The following MYO16 variants were observed in gnomAD, a reference collection of about 807,000 sequenced individuals.
MYO16 encodes the protein myosin XVI.
Under a neutral mutation model 205.3 loss-of-function variants are expected in MYO16, and 94 were observed. That is an observed-to-expected ratio of 0.46 (90% CI 0.39 to 0.54). MYO16 has a LOEUF of 0.54. Ranked by LOEUF, MYO16 falls within the 20% of genes least tolerant of loss-of-function variation. MYO16 has a pLI of 0.00. For synonymous variants in MYO16, 988 were observed against 954.0 expected (o/e 1.04, Z -0.66); for missense variants, 2,315 against 2,387.5 (o/e 0.97, Z 0.63).
intron 20 of MYO16, among the ~76,000 whole-genome samples, chr13:108,965,500 G>A (rs1259027764): frequency 1.3e-5 from 2 of 152,080 alleles, no homozygotes; most frequent in Non-Finnish European, 2.9e-5. Flanking sequence ...TCTGCCTCCC[G>A]GGTTCAAGTG....
chr13:109,199,411 T>A (rs1298725157), intron 34 of MYO16, among the ~76,000 whole-genome samples: 1 of 151,668 alleles, frequency 6.6e-6, no homozygotes, highest in Non-Finnish European at 1.5e-5. Context: ...TGTGGAGTCC[T>A]TTGTACTTTC....
intron 9 of MYO16, among the ~76,000 whole-genome samples, chr13:108,829,891 A>G (rs1054167323): frequency 2.0e-5 from 3 of 151,796 alleles, no homozygotes; most frequent in Admixed American, 1.3e-4. Flanking sequence ...AGAATCTACA[A>G]TGAACTCAAA....
the MYO16 span, among the ~76,000 whole-genome samples, chr13:108,501,150 C>G: frequency 6.6e-6 from 1 of 152,178 alleles, no homozygotes; most frequent in East Asian, 1.9e-4. Context: ...CTTAGTGTAT[C>G]GCGCTTATTG....
At chr13:108,598,318 G>C (rs1204344256) in intron 1 of MYO16, among the ~76,000 whole-genome samples, 2 of 151,692 alleles carry the variant, frequency 1.3e-5, no homozygotes, top group African/African-American at 2.4e-5. Context: ...GAGAGAGAGA[G>C]AGACAGACAG....
At chr13:108,808,631 C>T (rs1286773013) in intron 7 of MYO16, among the ~76,000 whole-genome samples, 1 of 151,838 alleles carries the variant, frequency 6.6e-6, no homozygotes, top group Non-Finnish European at 1.5e-5. Context: ...AAGCTTCTAT[C>T]CAGGAAATTA....
chr13:108,641,528 G>T (rs995993890), intron 1 of MYO16, among the ~76,000 whole-genome samples: 1 of 152,124 alleles, frequency 6.6e-6, no homozygotes, highest in Non-Finnish European at 1.5e-5. Flanking sequence ...CATTCCTCCT[G>T]CTGCCTCCTA....
intron 15 of MYO16, among the ~76,000 whole-genome samples, chr13:108,906,273 T>C (rs941721758): frequency 6.6e-6 from 1 of 152,174 alleles, no homozygotes; most frequent in Non-Finnish European, 1.5e-5. Flanking sequence ...CCTTTTGATG[T>C]TTGTGCCCTG....
intron 4 of MYO16, among the ~76,000 whole-genome samples, chr13:108,772,156 C>A (rs1356411365): frequency 6.6e-6 from 1 of 151,918 alleles, no homozygotes; most frequent in African/African-American, 2.4e-5. Context: ...AGAGACAAGC[C>A]GGGGCAACAT....
upstream of MYO16, among the ~76,000 whole-genome samples, chr13:108,591,274 C>T (rs2139284191): frequency 6.6e-6 from 1 of 152,238 alleles, no homozygotes; most frequent in East Asian, 1.9e-4. Flanking sequence ...TTTGCTGTAG[C>T]CAAGAAAATA....
At chr13:108,904,714 C>T (rs1880877249) in intron 15 of MYO16, among the ~76,000 whole-genome samples, 3 of 152,054 alleles carry the variant, frequency 2.0e-5, no homozygotes, top group Admixed American at 6.6e-5. Flanking sequence ...AAAAAAAGTT[C>T]CTGCCCTTGT....
chr13:109,145,570 TTGTC>T (rs1877291693), intron 32 of MYO16, among the ~76,000 whole-genome samples: 2 of 152,250 alleles, frequency 1.3e-5, no homozygotes, highest in South Asian at 2.1e-4. Flanking sequence ...AAATGTTTAA[TTGTC>T]TGTTCCATTC....
intron 22 of MYO16, among the ~76,000 whole-genome samples, chr13:109,013,573 C>G (rs9521126): frequency 0.16 from 23,611 of 152,174 alleles, 2,180 homozygotes; most frequent in Non-Finnish European, 0.2. Flanking sequence ...CTAGTTTACA[C>G]TCCCACCAAC....
At chr13:109,130,539 G>C (rs972683683) in intron 31 of MYO16, among the ~76,000 whole-genome samples, 1 of 152,240 alleles carries the variant, frequency 6.6e-6, no homozygotes, top group African/African-American at 2.4e-5. Context: ...GCTTGAGCAT[G>C]CTTGCTGATT....
intron 23 of MYO16, among the ~76,000 whole-genome samples, chr13:109,022,333 T>TTATATATTATATACAAATATATATG (rs1886073150): frequency 3.4e-5 from 1 of 29,566 alleles, no homozygotes; most frequent in Non-Finnish European, 5.5e-5. Context: ...AAATATATAT[T>TTATATATTATATACAAATATATATG]TATATATTAT....
At chr13:108,852,507 G>A (rs1877931695) in intron 10 of MYO16, among the ~76,000 whole-genome samples, 1 of 152,182 alleles carries the variant, frequency 6.6e-6, no homozygotes, top group Admixed American at 6.5e-5. Context: ...CTATAACAAT[G>A]AATGCCAAAA....
At chr13:108,922,032 C>T (rs549648413) in intron 16 of MYO16, among the ~76,000 whole-genome samples, 3 of 152,242 alleles carry the variant, frequency 2.0e-5, no homozygotes, top group South Asian at 2.1e-4. Context: ...GTTTATAATA[C>T]GTGGAATAAG....
chr13:108,505,195 T>C, the MYO16 span, among the ~76,000 whole-genome samples: 9 of 152,344 alleles, frequency 5.9e-5, no homozygotes, highest in Middle Eastern at 3.4e-3. Context: ...TCCTGGATCA[T>C]ATGGTAATTC....
chr13:108,830,631 G>A (rs1876558856), intron 9 of MYO16, among the ~76,000 whole-genome samples: 1 of 125,256 alleles, frequency 8.0e-6, no homozygotes, highest in Non-Finnish European at 1.7e-5. Context: ...GAGGGGGGAG[G>A]GATAGTATTG....
intron 2 of MYO16, among the ~76,000 whole-genome samples, chr13:108,691,536 TTTGTTTTG>T (rs1173490900): frequency 6.6e-6 from 1 of 152,128 alleles, no homozygotes; most frequent in Non-Finnish European, 1.5e-5. Flanking sequence ...GCTTTTATGT[TTTGTTTTG>T]TTGTTTTCTT....
Sources: allele counts gnomAD v4.1 joint callset (sites outside exome capture counted in the v4.1 genomes callset), GRCh38; gene constraint gnomAD v4.1.1; transcripts MANE v1.5; gene names NCBI Gene and HGNC (gene_info 2026-07-23, HGNC 2026-07-21).